Variants in SPATA9 observed in about 807,000 individuals in gnomAD.
The protein encoded by SPATA9 is spermatogenesis associated 9.
SPATA9 carries 27 observed loss-of-function variants against 25.5 expected under a neutral mutation model. The observed-to-expected ratio is 1.06, with a 90% CI of 0.78 to 1.46. The LOEUF (loss-of-function observed/expected upper bound fraction) is 1.46, where lower values mean the gene tolerates loss of function less well. SPATA9 is among the 40% of genes most tolerant of loss of function. SPATA9 has a pLI of 0.00. For missense variants in SPATA9, 282 were observed against 297.5 expected, an observed-to-expected ratio of 0.95 and a Z score of 0.38; for synonymous variants, 102 against 105.7, an observed-to-expected ratio of 0.97 and a Z score of 0.21.
At chr5:95,676,751 T>C (rs1046483397) in intron 2 of SPATA9, among the ~76,000 whole-genome samples, 1 of 152,210 alleles carries the variant, frequency 6.6e-6, no homozygotes, top group Admixed American at 6.5e-5. Context: ...ATTTTCATTC[T>C]GTTCATCAAT....
intron 2 of SPATA9, among the ~76,000 whole-genome samples, chr5:95,681,967 CA>C (rs1401764487): frequency 6.6e-6 from 1 of 152,194 alleles, no homozygotes; most frequent in African/African-American, 2.4e-5. Flanking sequence ...GTTCCCTAAA[CA>C]AGTTGTTACT....
At chr5:95,691,017 T>A (rs928267651) in intron 1 of SPATA9, among the ~76,000 whole-genome samples, 1 of 152,104 alleles carries the variant, frequency 6.6e-6, no homozygotes, top group African/African-American at 2.4e-5. Context: ...TTCTTTTCTT[T>A]AAAAATTCAT....
At chr5:95,715,048 G>A in the SPATA9 span, among the ~76,000 whole-genome samples, 10 of 152,176 alleles carry the variant, frequency 6.6e-5, 1 homozygote, top group East Asian at 5.8e-4. Flanking sequence ...GATTGTGGCC[G>A]GGTGTGGTGG....
intron 3 of SPATA9, chr5:95,674,608 T>C (rs1752742307): frequency 3.9e-6 from 1 of 259,416 alleles, no homozygotes; most frequent in Admixed American, 5.2e-5. Context: ...GTCAGCCTAA[T>C]AATGGAGTCA....
chr5:95,692,062 T>G (rs1264466202), intron 1 of SPATA9, among the ~76,000 whole-genome samples: 1 of 152,190 alleles, frequency 6.6e-6, no homozygotes, highest in Non-Finnish European at 1.5e-5. Flanking sequence ...CATTTGTATT[T>G]GATATCTTGC....
chr5:95,725,073 C>A, the SPATA9 span, among the ~76,000 whole-genome samples: 1 of 151,884 alleles, frequency 6.6e-6, no homozygotes, highest in African/African-American at 2.4e-5. Context: ...AGCACACCCA[C>A]AAATATACTA....
chr5:95,679,314 A>G (rs1345623003), intron 2 of SPATA9, among the ~76,000 whole-genome samples: 1 of 152,210 alleles, frequency 6.6e-6, no homozygotes, highest in Non-Finnish European at 1.5e-5. Flanking sequence ...GACATTGACC[A>G]GGCATGTACA....
At chr5:95,712,028 A>G in the SPATA9 span, among the ~76,000 whole-genome samples, 6 of 151,936 alleles carry the variant, frequency 3.9e-5, no homozygotes, top group African/African-American at 1.5e-4. Context: ...CAAGAGAAAA[A>G]TTTTTCAGCA....
At chr5:95,690,472 G>C (rs1308320507) in intron 1 of SPATA9, among the ~76,000 whole-genome samples, 1 of 152,138 alleles carries the variant, frequency 6.6e-6, no homozygotes, top group Non-Finnish European at 1.5e-5. Context: ...CAAAAAGTTA[G>C]AATAATTTTG....
chr5:95,656,258 C>G (rs142449132), downstream of SPATA9: 25 of 1,612,990 alleles, frequency 1.5e-5, no homozygotes, highest in African/African-American at 2.8e-4. Flanking sequence ...TTAAGTGTGA[C>G]TCTGATTTTT....
At chr5:95,726,808 G>C in the SPATA9 span, among the ~76,000 whole-genome samples, 1 of 152,182 alleles carries the variant, frequency 6.6e-6, no homozygotes, top group African/African-American at 2.4e-5. Context: ...TATATTGAAA[G>C]TGAACAAAGG....
intron 3 of SPATA9, among the ~76,000 whole-genome samples, chr5:95,665,477 T>C (rs1372186176): frequency 6.6e-6 from 1 of 152,238 alleles, no homozygotes; most frequent in Non-Finnish European, 1.5e-5. Context: ...GATCATGTGG[T>C]ACTTGTCTTT....
chr5:95,667,878 G>A (rs1052666867), intron 3 of SPATA9, among the ~76,000 whole-genome samples: 1 of 152,234 alleles, frequency 6.6e-6, no homozygotes, highest in East Asian at 1.9e-4. Flanking sequence ...GCTGTCTTCA[G>A]GATAGTGAAT....
At chr5:95,722,838 C>T in the SPATA9 span, among the ~76,000 whole-genome samples, 1 of 152,156 alleles carries the variant, frequency 6.6e-6, no homozygotes, top group Non-Finnish European at 1.5e-5. Flanking sequence ...ATATTAAAGG[C>T]CAGATTACCA....
chr5:95,695,611 C>A (rs1410774994), intron 1 of SPATA9, among the ~76,000 whole-genome samples: 1 of 152,140 alleles, frequency 6.6e-6, no homozygotes, highest in Non-Finnish European at 1.5e-5. Context: ...AACAAACAAA[C>A]AAACAAACAC....
the SPATA9 span, among the ~76,000 whole-genome samples, chr5:95,723,360 C>G: frequency 4.7e-4 from 72 of 152,288 alleles, no homozygotes; most frequent in African/African-American, 1.6e-3. Context: ...GAGATTACAG[C>G]CTTGCAATTT....
chr5:95,687,643 G>A (rs1028525296), upstream of SPATA9, among the ~76,000 whole-genome samples: 11 of 152,130 alleles, frequency 7.2e-5, no homozygotes, highest in African/African-American at 2.4e-4. Flanking sequence ...TAAGGAGCAG[G>A]CAATGGGAAA....
At chr5:95,731,216 C>A in the SPATA9 span, 3 of 1,003,334 alleles carry the variant, frequency 3.0e-6, no homozygotes, top group South Asian at 1.3e-4. Context: ...GAGCGCGTCC[C>A]CCGCATCCGC....
chr5:95,661,088 A>C lies in SPATA9; in HGVS notation c.475-2175T>G, dbSNP rs545549473. ...ATCATTTTTGAGATGGTTAACCTTG[A>C]CATCTTTACTACTATATCTAATGGA... is the stretch of plus-strand genomic sequence containing the variant. On this transcript the variant is annotated intron_variant, in intron 4 of 4. Coordinates refer to ENST00000274432, the MANE Select transcript of SPATA9 (RefSeq NM_031952.4). Among the ~76,000 whole-genome samples the C allele has an allele frequency of 3.3e-5, 5 of 152,134 alleles. No individual in the cohort carries two copies. The South Asian group carries it at 1.0e-3, about 32-fold the overall frequency.
Sources: allele counts gnomAD v4.1 joint callset (sites outside exome capture counted in the v4.1 genomes callset), GRCh38; gene constraint gnomAD v4.1.1; transcripts MANE v1.5; gene names NCBI Gene and HGNC (gene_info 2026-07-23, HGNC 2026-07-21).